CRIM1: variants seen among roughly 807,000 people sequenced by gnomAD.
CRIM1 encodes the protein cysteine rich transmembrane BMP regulator 1, also known as cysteine-rich motor neuron 1 protein.
Under a neutral mutation model 116.4 loss-of-function variants are expected in CRIM1, and 32 were observed. The observed-to-expected ratio is 0.27, with a 90% confidence interval of 0.21 to 0.37. The LOEUF is 0.37. Among genes scored for constraint, CRIM1 ranks in the 10% least tolerant of loss-of-function variants. The pLI is 1.00. For synonymous variants in CRIM1, 590 were observed against 509.2 expected (o/e 1.16, Z -2.13); for missense variants, 1,331 against 1,354.8 (o/e 0.98, Z 0.28).
At chr2:36,469,241 T>G (rs150086270) in intron 5 of CRIM1, among the ~76,000 whole-genome samples, 1 of 152,146 alleles carries the variant, frequency 6.6e-6, no homozygotes, top group Non-Finnish European at 1.5e-5. Flanking sequence ...ATGGCACAAC[T>G]AGCCAAAAGC....
At chr2:36,392,832 C>T (rs1047096860) in intron 1 of CRIM1, among the ~76,000 whole-genome samples, 10 of 151,552 alleles carry the variant, frequency 6.6e-5, no homozygotes, top group Admixed American at 4.6e-4. Context: ...AGTTTACTCT[C>T]AAAAAAAAGA....
chr2:36,522,007 A>G (rs2125130450), intron 12 of CRIM1, 85 bp from the exon 13 acceptor site: 1 of 1,105,536 alleles, frequency 9.0e-7, no homozygotes, highest in Non-Finnish European at 1.4e-6. Flanking sequence ...AGCCATCATG[A>G]CTGGGTGTGC....
At chr2:36,395,485 G>GA (rs962662001) in intron 1 of CRIM1, among the ~76,000 whole-genome samples, 3 of 152,122 alleles carry the variant, frequency 2.0e-5, no homozygotes, top group South Asian at 2.1e-4. Context: ...TGTTAAGTGT[G>GA]AAAAAACCCC....
chr2:36,490,944 C>T (rs539776005), intron 7 of CRIM1, among the ~76,000 whole-genome samples: 1 of 152,178 alleles, frequency 6.6e-6, no homozygotes. Flanking sequence ...ATGCACTCTT[C>T]CTTTTCTTTC....
chr2:36,382,492 C>T (rs915830905), intron 1 of CRIM1, among the ~76,000 whole-genome samples: 2 of 151,866 alleles, frequency 1.3e-5, no homozygotes, highest in African/African-American at 2.4e-5. Context: ...AGCAAGGGTG[C>T]TAATAATGTC....
chr2:36,515,718 G>C (rs1442039201), intron 11 of CRIM1, among the ~76,000 whole-genome samples: 1 of 152,152 alleles, frequency 6.6e-6, no homozygotes, highest in African/African-American at 2.4e-5. Flanking sequence ...TTTGCCTTGA[G>C]GCATATCGTA....
intron 13 of CRIM1, chr2:36,529,153 G>A (rs1665952524): frequency 2.1e-6 from 1 of 471,308 alleles, no homozygotes; most frequent in Non-Finnish European, 4.4e-6. Context: ...TTTGGTCCAG[G>A]AGGCCAAACC....
chr2:36,420,017 T>C (rs1042409042), intron 2 of CRIM1, among the ~76,000 whole-genome samples: 2 of 152,214 alleles, frequency 1.3e-5, no homozygotes, highest in Non-Finnish European at 2.9e-5. Flanking sequence ...TGTTTGTCGC[T>C]TCTGACTTCT....
chr2:36,499,856 C>A (rs1680864576), intron 8 of CRIM1, among the ~76,000 whole-genome samples: 1 of 152,008 alleles, frequency 6.6e-6, no homozygotes, highest in African/African-American at 2.4e-5. Flanking sequence ...ACACACACAC[C>A]CCACCCCCAT....
chr2:36,366,802 T>A (rs898668053), intron 1 of CRIM1, among the ~76,000 whole-genome samples: 1 of 152,216 alleles, frequency 6.6e-6, no homozygotes, highest in Admixed American at 6.5e-5. Flanking sequence ...TGGAGAATTG[T>A]GATACTTCTT....
intron 2 of CRIM1, among the ~76,000 whole-genome samples, chr2:36,425,514 AGTCT>A (rs1291520194): frequency 6.6e-6 from 1 of 152,224 alleles, no homozygotes; most frequent in Non-Finnish European, 1.5e-5. Flanking sequence ...ATTGGAAGTT[AGTCT>A]AAGTTATTTT....
intron 1 of CRIM1, among the ~76,000 whole-genome samples, chr2:36,369,518 G>A (rs1056680274): frequency 6.6e-6 from 1 of 152,182 alleles, no homozygotes; most frequent in Admixed American, 6.5e-5. Context: ...CAATAACAGT[G>A]TCTGCATTAA....
Position 36,455,769 on chromosome 2 carries a change from AC to A in CRIM1, c.870-8764del, listed in dbSNP as rs765520392. 2.6e-5 allele frequency among the ~76,000 whole-genome samples: 4 copies of A among 152,310 alleles called. No homozygotes were observed. The South Asian group carries it at 6.2e-4, about 24-fold the overall frequency. On this transcript the variant is annotated intron_variant, in intron 4 of 16. Coordinates refer to ENST00000280527, the MANE Select transcript of CRIM1 (RefSeq NM_016441.3). ...GGGGAGAGCCAGGTAAATGTTAGAA[AC>A]AAATTCGAGTGGTGCATTGTGTGAT...
chr2:36,400,422 G>A (rs17018711), intron 2 of CRIM1, among the ~76,000 whole-genome samples: 28,530 of 152,040 alleles, frequency 0.19, 2,743 homozygotes, highest in Admixed American at 0.25. Context: ...AAGATGCCAA[G>A]GAATAGTAGC....
intron 8 of CRIM1, among the ~76,000 whole-genome samples, chr2:36,507,676 T>TA (rs1681527676): frequency 6.6e-6 from 1 of 152,242 alleles, no homozygotes; most frequent in Non-Finnish European, 1.5e-5. Flanking sequence ...TATTTAAATG[T>TA]ACCAGCCTTT....
chr2:36,458,006 C>T (rs1449417680), intron 4 of CRIM1, among the ~76,000 whole-genome samples: 1 of 152,198 alleles, frequency 6.6e-6, no homozygotes, highest in Non-Finnish European at 1.5e-5. Flanking sequence ...ACCTCCCACC[C>T]ACCTGTAAGT....
At chr2:36,374,418 T>C (rs1483702886) in intron 1 of CRIM1, among the ~76,000 whole-genome samples, 2 of 152,206 alleles carry the variant, frequency 1.3e-5, no homozygotes, top group Non-Finnish European at 2.9e-5. Flanking sequence ...TTATCTAAAA[T>C]GCTCTTGTTC....
intron 7 of CRIM1, among the ~76,000 whole-genome samples, chr2:36,481,511 T>C (rs1271349107): frequency 6.6e-6 from 1 of 152,210 alleles, no homozygotes; most frequent in Non-Finnish European, 1.5e-5. Context: ...CAAAGATAAG[T>C]AAGAGATAAC....
At chr2:36,357,548 G>A (rs999521241) in intron 1 of CRIM1, among the ~76,000 whole-genome samples, 2 of 152,188 alleles carry the variant, frequency 1.3e-5, no homozygotes, top group Non-Finnish European at 2.9e-5. Context: ...ATCCCTGCCC[G>A]CTTGCGTCGG....
Sources: allele counts gnomAD v4.1 joint callset (sites outside exome capture counted in the v4.1 genomes callset), GRCh38; gene constraint gnomAD v4.1.1; transcripts MANE v1.5; gene names NCBI Gene and HGNC (gene_info 2026-07-23, HGNC 2026-07-21).